The following ATM variants were observed in gnomAD, a reference collection of about 807,000 sequenced individuals.
The protein encoded by ATM is serine-protein kinase ATM.
ATM carries 308 observed loss-of-function variants against 387.0 expected under a neutral mutation model. The ratio of observed to expected loss-of-function variants is 0.80; its 90% confidence interval spans 0.73 to 0.87. ATM has a LOEUF of 0.87. Among genes scored for constraint, ATM ranks in the 40% least tolerant of loss-of-function variants. The pLI, the probability that ATM is intolerant of heterozygous loss-of-function variation, is 0.00. For synonymous variants in ATM, 1,156 were observed against 1,187.3 expected, an observed-to-expected ratio of 0.97 and a Z score of 0.54; for missense variants, 3,312 against 3,560.9, an observed-to-expected ratio of 0.93 and a Z score of 1.78.
At position 108,227,636 on chromosome 11, in the gene ATM, A is replaced by G. The variant is rs786201365; in HGVS notation, c.12A>G (p.Val4=). The G allele has an allele frequency of 6.2e-7, 1 of 1,613,772 alleles. No homozygotes were observed. Among genetic ancestry groups the G allele is most frequent in the South Asian group, 1.1e-5 (1 of 91,076 alleles). MSL[V]LNDLLICCRQ... is the part of the protein sequence containing the mutation. ...TGAAATTGTGAACCATGAGTCTAGTACTTAATGATCTGCTTATCTGCTGCC... is the reference window on the plus strand; with the variant it reads ...TGAAATTGTGAACCATGAGTCTAGTGCTTAATGATCTGCTTATCTGCTGCC... The change falls in exon 2 of 63, where the codon GTA becomes GTG. Residue 4 remains valine (V), a synonymous_variant. Transcript: ENST00000675843.
intron 15 of ATM, 78 bp from the exon 16 acceptor site, chr11:108,258,908 G>C (rs1041453302): frequency 1.2e-5 from 14 of 1,174,464 alleles, no homozygotes; most frequent in Non-Finnish European, 1.8e-5. Flanking sequence ...TTCCATTCAA[G>C]ATAGAGAAAA....
chr11:108,296,903 G>A, intron 32 of ATM: 3 of 271,582 alleles, frequency 1.1e-5, no homozygotes, highest in South Asian at 4.0e-5. Context: ...ATTGCAGAAA[G>A]TTCTGTGGGA....
At chr11:108,233,234 C>G (rs1232834723) in intron 4 of ATM, among the ~76,000 whole-genome samples, 2 of 152,142 alleles carry the variant, frequency 1.3e-5, no homozygotes, top group Non-Finnish European at 2.9e-5. Flanking sequence ...GTGCAAAACT[C>G]AGCTGCGAAA....
chr11:108,354,645 C>T (rs984144427), intron 60 of ATM, among the ~76,000 whole-genome samples, 166 bp from the exon 61 acceptor site: 2 of 152,126 alleles, frequency 1.3e-5, no homozygotes, highest in East Asian at 3.8e-4. Flanking sequence ...TCATTTCAAA[C>T]GTCTAATGAA....
intron 24 of ATM, among the ~76,000 whole-genome samples, 194 bp downstream of exon 24, chr11:108,281,362 C>G (rs780188661): frequency 1.1e-4 from 17 of 152,218 alleles, no homozygotes; most frequent in Non-Finnish European, 1.6e-4. Context: ...CTGTTTCTTA[C>G]ATTCCATTTA....
chr11:108,264,453 A>C (rs981767665), intron 16 of ATM, among the ~76,000 whole-genome samples: 1 of 152,228 alleles, frequency 6.6e-6, no homozygotes, highest in Admixed American at 6.5e-5. Context: ...AAAAACTCTG[A>C]ATAAATTAGG....
At chr11:108,349,856 C>A (rs895048900) in intron 59 of ATM, among the ~76,000 whole-genome samples, 1 of 152,054 alleles carries the variant, frequency 6.6e-6, no homozygotes, top group African/African-American at 2.4e-5. Context: ...TCATAAAGTA[C>A]GTGAGTCTGA....
In ATM at chr11:108,283,708, A is replaced by G. The variant is rs4987990; in HGVS notation, c.3747-519A>G. 1.5e-3 allele frequency among the ~76,000 whole-genome samples: 225 copies of G among 152,284 alleles called. 4 individuals carry two copies. Among genetic ancestry groups the G allele is most frequent in the Admixed American group, 0.014 (209 of 15,282 alleles). ...TCCAGGATCCCCCATGTATGCCTAA[A>G]TTTACGCGTACTCAAGTCACCAAGT... is the stretch of plus-strand genomic sequence containing the variant. On this transcript the variant is annotated intron_variant, in intron 25 of 62. Coordinates refer to ENST00000675843, the MANE Select transcript of ATM (RefSeq NM_000051.4).
At chr11:108,364,624 T>C (rs1179081782) in intron 61 of ATM, among the ~76,000 whole-genome samples, 3 of 152,180 alleles carry the variant, frequency 2.0e-5, no homozygotes, top group Non-Finnish European at 4.4e-5. Flanking sequence ...GATTTGTTAC[T>C]GATAAAACTA....
chr11:108,322,501 T>A (rs1172972093), intron 45 of ATM, among the ~76,000 whole-genome samples: 1 of 152,192 alleles, frequency 6.6e-6, no homozygotes, highest in African/African-American at 2.4e-5. Context: ...TAGTAAACAT[T>A]CAGTGGATAG....
Position 108,261,078 on chromosome 11 carries a change from C to A in ATM, c.2466+2003C>A, listed in dbSNP as rs532653039. 1.9e-3 allele frequency among the ~76,000 whole-genome samples: 296 copies of A among 152,318 alleles called. 1 individual carries two copies. The highest frequency in any genetic ancestry group is 6.8e-3 in the African/African-American group (282 of 41,566). On this transcript the variant is annotated intron_variant, in intron 16 of 62. Transcript: ENST00000675843. Reference sequence around the variant, plus strand: ...GCTGGGGGAGGGATGCCTGCCATTGCCCAGGCTTGATTAGGTAAACAAAGC... The same window carrying A: ...GCTGGGGGAGGGATGCCTGCCATTGACCAGGCTTGATTAGGTAAACAAAGC...
chr11:108,240,241 G>A (rs185973158), intron 5 of ATM, among the ~76,000 whole-genome samples: 77 of 152,202 alleles, frequency 5.1e-4, no homozygotes, highest in Non-Finnish European at 9.3e-4. Context: ...GGAGAGAATG[G>A]TAACAATTTT....
intron 31 of ATM, among the ~76,000 whole-genome samples, chr11:108,294,107 A>T (rs1457621558): frequency 6.6e-6 from 1 of 151,914 alleles, no homozygotes; most frequent in Admixed American, 6.6e-5. Flanking sequence ...ATTTTAACAC[A>T]TAAGATCCTA....
chr11:108,307,966 A>G lies in ATM; in HGVS notation c.5744A>G (p.Tyr1915Cys), dbSNP rs1374016388. The G allele has an allele frequency of 6.2e-7, 1 of 1,612,648 alleles. No individual in the cohort carries two copies. Among genetic ancestry groups the G allele is most frequent in the Admixed American group, 1.7e-5 (1 of 60,016 alleles). Residue 1915 changes from tyrosine to cysteine, a missense_variant, in exon 38 of 63, where the codon TAC becomes TGC. Physicochemically the swap from Tyr to Cys is radical, Grantham distance 194. Around this residue, in one of 4 missense-constraint regions of ATM, gnomAD observed 1,405 missense variants for 1,604.4 expected, o/e 0.88. Transcript: ENST00000675843. The part of the protein sequence containing the change: ...SQRTMLAVVD[Y>C]MRRQKRPSSG... ...AGAACAATGCTTGCTGTTGTGGACT[A>G]CATGAGAAGACAAAAGAGGTAATGT...
At chr11:108,351,757 A>T (rs575585770) in intron 59 of ATM, among the ~76,000 whole-genome samples, 13 of 152,320 alleles carry the variant, frequency 8.5e-5, no homozygotes, top group Middle Eastern at 3.4e-3. Context: ...TCACATAGTC[A>T]TGTCATAGGG....
chr11:108,277,860 A>G (rs2082030250), intron 22 of ATM, among the ~76,000 whole-genome samples: 1 of 152,138 alleles, frequency 6.6e-6, no homozygotes, highest in African/African-American at 2.4e-5. Context: ...ATTTTTCTCT[A>G]GTATTTATGA....
Position 108,291,319 on chromosome 11 carries a change from G to A in ATM, c.4437-1300G>A, listed in dbSNP as rs569945047. Among the ~76,000 whole-genome samples, 9 of 152,318 alleles carry A rather than the reference G, an allele frequency of 5.9e-5. No individual in the cohort carries two copies. The East Asian group carries it at 1.4e-3, about 23-fold the overall frequency. On this transcript the variant is annotated intron_variant, in intron 29 of 62. Transcript: ENST00000675843. Reference sequence around the variant, plus strand: ...TCTGATCTTTTCCATTGATTTTAATGAGATTTCTATTTTTTAAGGTCTTTT... The same window carrying A: ...TCTGATCTTTTCCATTGATTTTAATAAGATTTCTATTTTTTAAGGTCTTTT...
chr11:108,286,312 CAAAAAAA>C (rs34917552), intron 26 of ATM, among the ~76,000 whole-genome samples: 23 of 47,174 alleles, frequency 4.9e-4, no homozygotes, highest in East Asian at 8.8e-4. Context: ...GATTTCGTCT[CAAAAAAA>C]AAAAAAAAAA....
intron 16 of ATM, among the ~76,000 whole-genome samples, chr11:108,259,391 A>G (rs1485876461): frequency 6.6e-6 from 1 of 152,194 alleles, no homozygotes. Context: ...CGGGAGGCTG[A>G]GGCAGAATTG....
Sources: gnomAD v4.1 joint callset for allele counts (sites outside exome capture counted in the v4.1 genomes callset) on GRCh38, gnomAD v4.1.1 for gene constraint, gnomAD v4.1.1 regional missense constraint, MANE v1.5 for transcripts, NCBI Gene and HGNC (gene_info 2026-07-23, HGNC 2026-07-21) for gene names.